The following SPAG17 variants were observed in gnomAD, a reference collection of about 807,000 sequenced individuals.
SPAG17 encodes the protein sperm-associated antigen 17.
Under a neutral mutation model 273.6 loss-of-function variants are expected in SPAG17, and 169 were observed. The observed-to-expected ratio is 0.62, with a 90% CI of 0.55 to 0.70. SPAG17 has a LOEUF of 0.70. Ranked by LOEUF, SPAG17 falls within the 30% of genes least tolerant of loss-of-function variation. The pLI is 0.00. For synonymous variants in SPAG17, 825 were observed against 873.2 expected (o/e 0.94, Z 0.97); for missense variants, 2,557 against 2,627.8 (o/e 0.97, Z 0.59).
chr1:117,955,853 G>A (rs1365795092), intron 48 of SPAG17, among the ~76,000 whole-genome samples: 1 of 150,820 alleles, frequency 6.6e-6, no homozygotes, highest in African/African-American at 2.4e-5. Flanking sequence ...GCTATTATCA[G>A]TGGCTTCACT....
intron 31 of SPAG17, among the ~76,000 whole-genome samples, chr1:118,005,883 T>C (rs761566563): frequency 6.6e-6 from 1 of 152,206 alleles, no homozygotes; most frequent in Non-Finnish European, 1.5e-5. Flanking sequence ...TTATTTCTAA[T>C]ATTTAACATA....
chr1:118,113,594 C>T (rs1656897994), intron 4 of SPAG17, among the ~76,000 whole-genome samples: 1 of 152,020 alleles, frequency 6.6e-6, no homozygotes, highest in Non-Finnish European at 1.5e-5. Context: ...GCTTTGGGAA[C>T]CCAAAATAAT....
chr1:118,178,500 A>AG (rs1479402784), intron 1 of SPAG17, among the ~76,000 whole-genome samples: 6 of 152,080 alleles, frequency 3.9e-5, no homozygotes, highest in African/African-American at 1.2e-4. Context: ...AGAAATGGAA[A>AG]GCCTTTCCTC....
chr1:118,073,280 T>C (rs868071752), intron 17 of SPAG17, among the ~76,000 whole-genome samples: 3 of 152,238 alleles, frequency 2.0e-5, no homozygotes, highest in Non-Finnish European at 4.4e-5. Context: ...GCTGCCATGT[T>C]ACCTTGGACA....
chr1:118,175,630 T>G (rs1157278117), intron 1 of SPAG17, among the ~76,000 whole-genome samples: 2 of 146,910 alleles, frequency 1.4e-5, no homozygotes, highest in Non-Finnish European at 3.0e-5. Context: ...AAAGCTACAC[T>G]TCAAATACAA....
chr1:118,053,947 G>T, intron 20 of SPAG17, 55 bp downstream of exon 20: 1 of 1,308,634 alleles, frequency 7.6e-7, no homozygotes. Context: ...CCACTATCCT[G>T]TTGTGTAATA....
At chr1:117,990,750 A>G in intron 38 of SPAG17, 111 bp downstream of exon 38, 1 of 631,980 alleles carries the variant, frequency 1.6e-6, no homozygotes. Context: ...AAGAATGGAG[A>G]TATGTACATG....
intron 18 of SPAG17, among the ~76,000 whole-genome samples, chr1:118,066,334 T>G (rs1220884276): frequency 6.6e-6 from 1 of 152,124 alleles, no homozygotes; most frequent in Non-Finnish European, 1.5e-5. Flanking sequence ...GACTGCTCTG[T>G]TGGTATATTA....
chr1:118,125,940 A>C (rs900230931), intron 3 of SPAG17, among the ~76,000 whole-genome samples: 1 of 151,926 alleles, frequency 6.6e-6, no homozygotes, highest in Non-Finnish European at 1.5e-5. Flanking sequence ...TTTTTTGAGA[A>C]ATCTCCATAC....
chr1:118,169,939 G>T (rs1407787677), intron 1 of SPAG17, among the ~76,000 whole-genome samples: 2 of 152,076 alleles, frequency 1.3e-5, no homozygotes, highest in Middle Eastern at 3.2e-3. Flanking sequence ...ATAAGAAAAG[G>T]CTGTAAACTA....
In SPAG17 at chr1:118,025,227, C is replaced by G. The variant is rs377062293; in HGVS notation, c.3909+11G>C. The stretch of plus-strand genomic sequence containing the variant: ...ACAGGGAAGAATAATTTCTCTAACA[C>G]ATTCTTTTACCTGTGTGGATCCATC... On this transcript the variant is annotated intron_variant, in intron 27 of 48. Transcript: ENST00000336338. 1.7e-5 allele frequency: 28 copies of G among 1,612,320 alleles called. No homozygotes were observed. The highest frequency in any genetic ancestry group is 2.4e-5 in the Non-Finnish European group (28 of 1,178,970).
intron 48 of SPAG17, chr1:117,955,238 A>T: frequency 1.6e-6 from 2 of 1,272,924 alleles, no homozygotes; most frequent in Non-Finnish European, 2.2e-6. Flanking sequence ...TTCCTGTTTT[A>T]TAGGAGATAG....
intron 1 of SPAG17, among the ~76,000 whole-genome samples, chr1:118,154,421 G>C (rs1185954826): frequency 2.0e-5 from 3 of 152,088 alleles, no homozygotes; most frequent in Non-Finnish European, 4.4e-5. Flanking sequence ...CTGCAGCAGG[G>C]GGGCAGTAAG....
At chr1:118,009,265 AC>A (rs1659223992) in intron 30 of SPAG17, among the ~76,000 whole-genome samples, 1 of 151,814 alleles carries the variant, frequency 6.6e-6, no homozygotes, top group Admixed American at 6.6e-5. Context: ...ACACACACAC[AC>A]ACACACACAC....
intron 1 of SPAG17, among the ~76,000 whole-genome samples, chr1:118,176,647 A>T (rs1030516163): frequency 6.6e-6 from 1 of 152,200 alleles, no homozygotes. Context: ...AATAATCCAG[A>T]CCAAAAAATC....
At chr1:118,002,190 GTT>G (rs1452108321) in intron 32 of SPAG17, among the ~76,000 whole-genome samples, 4 of 152,218 alleles carry the variant, frequency 2.6e-5, no homozygotes, top group African/African-American at 9.7e-5. Flanking sequence ...CTGAGAGACA[GTT>G]TGTTGTGATT....
intron 32 of SPAG17, among the ~76,000 whole-genome samples, chr1:118,000,261 C>A (rs915886551): frequency 5.9e-5 from 9 of 152,148 alleles, no homozygotes; most frequent in Non-Finnish European, 1.3e-4. Flanking sequence ...TAGCATGATG[C>A]CTCCAGCTTT....
Position 118,097,686 on chromosome 1 carries a change from G to T in SPAG17, c.995C>A (p.Ser332Ter). The T allele has an allele frequency of 6.2e-7, 1 of 1,602,090 alleles. No homozygotes were observed. The highest frequency in any genetic ancestry group is 1.1e-5 in the South Asian group (1 of 88,100). ...VKAADFPSDWSDGEMMLKLGT... is the reference protein window; with the variant it reads ...VKAADFPSDW ...TGTACTAACCATCATCTCACCATCTGACCAGTCAGAAGGAAAATCAGCTGC... is the reference window on the plus strand; with the variant it reads ...TGTACTAACCATCATCTCACCATCTTACCAGTCAGAAGGAAAATCAGCTGC... Residue 332 changes from serine to a stop codon, truncating the protein, a stop_gained, in exon 7 of 49, where the codon TCA (serine) becomes TAA (stop). Transcript: ENST00000336338. LOFTEE classifies it high-confidence loss of function.
intron 29 of SPAG17, among the ~76,000 whole-genome samples, chr1:118,014,484 T>C (rs1446261383): frequency 1.3e-5 from 2 of 152,036 alleles, no homozygotes; most frequent in Non-Finnish European, 2.9e-5. Context: ...AAAACAAACA[T>C]TAAAAAACCT....
Sources: gnomAD v4.1 joint callset for allele counts (sites outside exome capture counted in the v4.1 genomes callset) on GRCh38, gnomAD v4.1.1 for gene constraint, MANE v1.5 for transcripts, NCBI Gene and HGNC (gene_info 2026-07-23, HGNC 2026-07-21) for gene names.